RNF187: variants seen among roughly 807,000 people sequenced by gnomAD.
RNF187 encodes ring finger protein 187.
In RNF187, 18 loss-of-function variants were observed where a neutral mutation model predicts 22.2. The observed-to-expected ratio is 0.81, with a 90% CI of 0.56 to 1.20. RNF187 has a LOEUF of 1.20. Ranked by LOEUF, RNF187 falls within the 50% of genes most tolerant of loss-of-function variation. RNF187 has a pLI of 0.00. For missense variants in RNF187, 329 were observed against 317.6 expected (o/e 1.04, Z -0.27); for synonymous variants, 164 against 140.9 (o/e 1.16, Z -1.16).
Position 228,494,393 on chromosome 1 carries a change from C to T in RNF187, c.*508C>T. 4 of 1,012,796 alleles carry T rather than the reference C, an allele frequency of 3.9e-6. No homozygotes were observed. Among genetic ancestry groups the T allele is most frequent in the Non-Finnish European group, 4.7e-6 (4 of 845,450 alleles). 62.7% of individuals were successfully genotyped at this position (1,012,796 alleles called of 1,614,324 possible). ...GGAGAGAAAGGAAGACTGGATTGCA[C>T]CTTGATGCCTCCTGAGGAGGCGGCC... On this transcript the variant is annotated 3_prime_UTR_variant, in exon 4 of 4. Coordinates refer to ENST00000305943, the MANE Select transcript of RNF187 (RefSeq NM_001010858.3).
In RNF187 at chr1:228,487,615, GA is replaced by G; in HGVS notation, c.128del (p.Glu43GlyfsTer97). 7.9e-7 allele frequency: 1 copy of G among 1,258,098 alleles called. No homozygotes were observed. Among genetic ancestry groups the G allele is most frequent in the Non-Finnish European group, 1.0e-6 (1 of 987,314 alleles). The allele number at this position is 1,258,098 out of a possible 1,614,324, so 77.9% of individuals were successfully genotyped here. Reference sequence around the variant, plus strand: ...GTGCGTGGTGCGCTTCTGGGCCGAGGAGGACGGGCCCTTCCCGTGCCCCGAG... The same window carrying G: ...GTGCGTGGTGCGCTTCTGGGCCGAGGGGACGGGCCCTTCCCGTGCCCCGAG... On this transcript the variant is annotated frameshift_variant, in exon 1 of 4. Transcript: ENST00000305943. LOFTEE classifies it high-confidence loss of function.
Position 228,494,758 on chromosome 1 carries a change from A to G in RNF187, c.*873A>G. The G allele has an allele frequency of 1.0e-6, 1 of 985,192 alleles. No homozygotes were observed. Among genetic ancestry groups the G allele is most frequent in the Non-Finnish European group, 1.2e-6 (1 of 829,892 alleles). The allele number at this position is 985,192 out of a possible 1,614,324, so 61.0% of individuals were successfully genotyped here. A position where few individuals can be genotyped will look rare whatever the true frequency, so the allele number is the denominator to read the frequency against. ...CTTGTGTGTAGATAAATTAGTCGAC[A>G]GAAACTCAGCACTGGGGACAGGATT... On this transcript the variant is annotated 3_prime_UTR_variant, in exon 4 of 4. Coordinates refer to ENST00000305943, the MANE Select transcript of RNF187 (RefSeq NM_001010858.3).
chr1:228,493,849 G>A lies in RNF187; in HGVS notation c.706-34G>A. ...ACTCTGTGTGTCTCTTTCTCTTTTT[G>A]TCTCTCTGTCTTTCCCTCTCCCCTC... On this transcript the variant is annotated intron_variant, in intron 3 of 3. Coordinates refer to ENST00000305943, the MANE Select transcript of RNF187 (RefSeq NM_001010858.3). This position sits in a 1 kb window ranked among gnomAD's most constrained non-coding sequence, Gnocchi z 4.7. 2 of 1,550,092 alleles carry A rather than the reference G, an allele frequency of 1.3e-6. No homozygotes were observed. The highest frequency in any genetic ancestry group is 1.7e-6 in the Non-Finnish European group (2 of 1,145,568).
Position 228,494,444 on chromosome 1 carries a change from G to C in RNF187, c.*559G>C. ...CCCCTCTTGAGGTGGGCGTGGGCCC[G>C]GCCCAGCCTTATCCAAGTCGCTCTG... On this transcript the variant is annotated 3_prime_UTR_variant, in exon 4 of 4. Coordinates refer to ENST00000305943, the MANE Select transcript of RNF187 (RefSeq NM_001010858.3). The C allele has an allele frequency of 2.0e-6, 2 of 991,956 alleles. No homozygotes were observed. Among genetic ancestry groups the C allele is most frequent in the South Asian group, 4.6e-5 (1 of 21,898 alleles). 61.4% of individuals were successfully genotyped at this position (991,956 alleles called of 1,614,324 possible). A position where few individuals can be genotyped will look rare whatever the true frequency, so the allele number is the denominator to read the frequency against.
Position 228,494,636 on chromosome 1 carries a change from C to T in RNF187, c.*751C>T. On this transcript the variant is annotated 3_prime_UTR_variant, in exon 4 of 4. Coordinates refer to ENST00000305943, the MANE Select transcript of RNF187 (RefSeq NM_001010858.3). ...ATCTCCAGGCCCTGCCATCGTGTCT[C>T]ATCTTGCTGTTATCTCTAGCTCTTT... 1.0e-6 allele frequency: 1 copy of T among 985,462 alleles called. No individual in the cohort carries two copies. Among genetic ancestry groups the T allele is most frequent in the Non-Finnish European group, 1.2e-6 (1 of 830,088 alleles). 61.0% of individuals were successfully genotyped at this position (985,462 alleles called of 1,614,324 possible).
At chr1:228,489,133 T>A in intron 2 of RNF187, 81 bp downstream of exon 2, 1 of 1,216,514 alleles carries the variant, frequency 8.2e-7, no homozygotes, top group Non-Finnish European at 1.2e-6. Flanking sequence ...CCAGGCCAAG[T>A]GGGCCAGGCC....
At position 228,494,235 on chromosome 1, in the gene RNF187, C is replaced by G; in HGVS notation, c.*350C>G. The G allele has an allele frequency of 1.6e-6, 2 of 1,269,384 alleles. No individual in the cohort carries two copies. Among genetic ancestry groups the G allele is most frequent in the Non-Finnish European group, 2.0e-6 (2 of 997,618 alleles). 78.6% of individuals were successfully genotyped at this position (1,269,384 alleles called of 1,614,324 possible). On this transcript the variant is annotated 3_prime_UTR_variant, in exon 4 of 4. Coordinates refer to ENST00000305943, the MANE Select transcript of RNF187 (RefSeq NM_001010858.3). The stretch of plus-strand genomic sequence containing the variant: ...ACCTCGTCATCCAGGGACCCAGACC[C>G]TGCACCTTCCATGTGGGCCCACAGA...
Position 228,487,797 on chromosome 1 carries a change from G to C in RNF187, c.309G>C (p.Pro103=). ...TGCTGTGCCGCGCCGACGCCGGCCCGCTCTGCGCCGCCTGCCGTATGGCTG... is the reference window on the plus strand; with the variant it reads ...TGCTGTGCCGCGCCGACGCCGGCCCCCTCTGCGCCGCCTGCCGTATGGCTG... Residue 103 remains proline, a synonymous_variant, in exon 1 of 4, where the codon CCG becomes CCC. Transcript: ENST00000305943. 1 of 1,141,362 alleles carries C rather than the reference G, an allele frequency of 8.8e-7. No homozygotes were observed. Among genetic ancestry groups the C allele is most frequent in the South Asian group, 3.6e-5 (1 of 27,684 alleles). The allele number at this position is 1,141,362 out of a possible 1,614,324, so 70.7% of individuals were successfully genotyped here.
chr1:228,491,399 A>AAT, intron 2 of RNF187, among the ~76,000 whole-genome samples: 13 of 150,518 alleles, frequency 8.6e-5, no homozygotes, highest in East Asian at 3.9e-4. Flanking sequence ...AAAAAAAAAA[A>AAT]AAAAAAAAAA....
chr1:228,495,754 A>T lies in RNF187; in HGVS notation c.*1869A>T. On this transcript the variant is annotated 3_prime_UTR_variant, in exon 4 of 4. Coordinates refer to ENST00000305943, the MANE Select transcript of RNF187 (RefSeq NM_001010858.3). ...TTCTATTTAAGAAAATTATATATTT[A>T]TGGGGCACAGTGTGATGTTTTGATA... 1.0e-6 allele frequency: 1 copy of T among 983,724 alleles called. No homozygotes were observed. The highest frequency in any genetic ancestry group is 1.7e-5 in the African/African-American group (1 of 57,216). The allele number at this position is 983,724 out of a possible 1,614,324, so 60.9% of individuals were successfully genotyped here.
At position 228,494,810 on chromosome 1, in the gene RNF187, AGTT is replaced by A; in HGVS notation, c.*930_*932del. On this transcript the variant is annotated 3_prime_UTR_variant, in exon 4 of 4. Coordinates refer to ENST00000305943, the MANE Select transcript of RNF187 (RefSeq NM_001010858.3). ...CAAAGTCGGGGACATAGATGCAGAC[AGTT>A]GTTGAGATTTGGGGATAGCCGGGCT... 3 of 985,470 alleles carry A rather than the reference AGTT, an allele frequency of 3.0e-6. No individual in the cohort carries two copies. Among genetic ancestry groups the A allele is most frequent in the South Asian group, 4.7e-5 (1 of 21,288 alleles). 61.0% of individuals were successfully genotyped at this position (985,470 alleles called of 1,614,324 possible). A position where few individuals can be genotyped will look rare whatever the true frequency, so the allele number is the denominator to read the frequency against.
Position 228,489,041 on chromosome 1 carries a change from G to A in RNF187, c.472G>A (p.Ala158Thr). ...GCATGGCCAGGCAGAGTCAGCAGCT[G>A]CAGTGTGGAAGGCAAGTGGGGGGAC... The change falls in exon 2 of 4, where the codon GCA becomes ACA. Residue 158 changes from alanine to threonine, a missense_variant. By Grantham distance (58) the Ala-to-Thr change is moderately conservative. Coordinates refer to ENST00000305943, the MANE Select transcript of RNF187 (RefSeq NM_001010858.3). 6.5e-7 allele frequency: 1 copy of A among 1,548,302 alleles called. No individual in the cohort carries two copies. The highest frequency in any genetic ancestry group is 8.7e-7 in the Non-Finnish European group (1 of 1,146,902).
At position 228,494,101 on chromosome 1, in the gene RNF187, A is replaced by C; in HGVS notation, c.*216A>C. The C allele has an allele frequency of 6.9e-7, 1 of 1,457,096 alleles. No homozygotes were observed. The highest frequency in any genetic ancestry group is 2.5e-4 in the Middle Eastern group (1 of 4,060). The allele number at this position is 1,457,096 out of a possible 1,614,324, so 90.3% of individuals were successfully genotyped here. A position where few individuals can be genotyped will look rare whatever the true frequency, so the allele number is the denominator to read the frequency against. ...CTCCCGGTAGAGGCTGGACCTGAGGACCCTTCCCACCTGTGCCCGTCCCTT... is the reference window on the plus strand; with the variant it reads ...CTCCCGGTAGAGGCTGGACCTGAGGCCCCTTCCCACCTGTGCCCGTCCCTT... On this transcript the variant is annotated 3_prime_UTR_variant, in exon 4 of 4. Coordinates refer to ENST00000305943, the MANE Select transcript of RNF187 (RefSeq NM_001010858.3).
chr1:228,487,735 G>A lies in RNF187; in HGVS notation c.247G>A (p.Ala83Thr), dbSNP rs2149146546. The A allele has an allele frequency of 1.9e-6, 2 of 1,028,812 alleles. No individual in the cohort carries two copies. The highest frequency in any genetic ancestry group is 2.3e-6 in the Non-Finnish European group (2 of 860,284). 63.7% of individuals were successfully genotyped at this position (1,028,812 alleles called of 1,614,324 possible). A position where few individuals can be genotyped will look rare whatever the true frequency, so the allele number is the denominator to read the frequency against. The change falls in exon 1 of 4, where the codon GCG (alanine) becomes ACG (threonine). Residue 83 changes from alanine to threonine, a missense_variant. Ala to Thr is a moderately conservative substitution (Grantham distance 58). Transcript: ENST00000305943. ...GCTCGAGGAGGCGGCCGCGGCGCCCGCGCGCGACGGCCCGGCCAGCGAGGC... is the reference window on the plus strand; with the variant it reads ...GCTCGAGGAGGCGGCCGCGGCGCCCACGCGCGACGGCCCGGCCAGCGAGGC...
Position 228,488,959 on chromosome 1 carries a change from G to A in RNF187, c.391-1G>A. ...CCCTGGTGACCTTCTTTTCTTTACA[G>A]GAGAACAAGGGGTCTGTGGAAATCA... On this transcript the variant is annotated splice_acceptor_variant, in intron 1 of 3. Transcript: ENST00000305943. LOFTEE classifies it high-confidence loss of function. 6.4e-7 allele frequency: 1 copy of A among 1,550,894 alleles called. No individual in the cohort carries two copies. The highest frequency in any genetic ancestry group is 8.7e-7 in the Non-Finnish European group (1 of 1,146,770).
chr1:228,487,472 C>T lies in RNF187; in HGVS notation c.-17C>T. On this transcript the variant is annotated 5_prime_UTR_variant, in exon 1 of 4. Transcript: ENST00000305943. ...CCAGCCGCTCCTGCGCCCTTGCCGG[C>T]CCCGCCGCCCGCAGCCCTGGCGCTC... The T allele has an allele frequency of 9.0e-7, 1 of 1,112,316 alleles. No homozygotes were observed. The highest frequency in any genetic ancestry group is 1.1e-6 in the Non-Finnish European group (1 of 913,780). 68.9% of individuals were successfully genotyped at this position (1,112,316 alleles called of 1,614,324 possible).
intron 1 of RNF187, 104 bp downstream of exon 1, chr1:228,487,982 C>T: frequency 2.8e-6 from 2 of 718,398 alleles, no homozygotes; most frequent in Non-Finnish European, 3.5e-6. Flanking sequence ...CTCCACTGTT[C>T]CTGTCCCCGG....
Position 228,487,852 on chromosome 1 carries a change from C to A in RNF187, c.364C>A (p.Arg122Ser). The A allele has an allele frequency of 8.1e-7, 1 of 1,231,448 alleles. No individual in the cohort carries two copies. The highest frequency in any genetic ancestry group is 1.0e-6 in the Non-Finnish European group (1 of 981,502). The allele number at this position is 1,231,448 out of a possible 1,614,324, so 76.3% of individuals were successfully genotyped here. Residue 122 changes from arginine (R) to serine (S), a missense_variant, in exon 1 of 4, where the codon CGC (arginine) becomes AGC (serine). Coordinates refer to ENST00000305943, the MANE Select transcript of RNF187 (RefSeq NM_001010858.3). ...CCCCGAGCCGCCCGAGTGGGAACCG[C>A]GCTGGAGGAAGGCGCTGCGCGGCAA...
chr1:228,495,779 A>G lies in RNF187; in HGVS notation c.*1894A>G. On this transcript the variant is annotated 3_prime_UTR_variant, in exon 4 of 4. Transcript: ENST00000305943. ...ATGGGGCACAGTGTGATGTTTTGAT[A>G]TCTATGTACATTGTGGAGTGACAGA... is the stretch of plus-strand genomic sequence containing the variant. 1.3e-5 allele frequency: 13 copies of G among 969,402 alleles called. No individual in the cohort carries two copies. Among genetic ancestry groups the G allele is most frequent in the African/African-American group, 1.8e-5 (1 of 56,876 alleles). 60.1% of individuals were successfully genotyped at this position (969,402 alleles called of 1,614,324 possible). A position where few individuals can be genotyped will look rare whatever the true frequency, so the allele number is the denominator to read the frequency against.
Sources: gnomAD v4.1 joint callset for allele counts (sites outside exome capture counted in the v4.1 genomes callset) on GRCh38, gnomAD v4.1.1 for gene constraint, Gnocchi (gnomAD v3.1) non-coding constraint, MANE v1.5 for transcripts, NCBI Gene and HGNC (gene_info 2026-07-23, HGNC 2026-07-21) for gene names.